TENT2: variants seen among roughly 807,000 people sequenced by gnomAD.
TENT2 encodes poly(A) RNA polymerase GLD2.
Under a neutral mutation model 72.2 loss-of-function variants are expected in TENT2, and 44 were observed. That is an observed-to-expected ratio of 0.61 (90% CI 0.48 to 0.78). The LOEUF (loss-of-function observed/expected upper bound fraction) is 0.78. TENT2 is among the 30% of genes least tolerant of loss of function. The pLI, the probability that TENT2 is intolerant of heterozygous loss-of-function variation, is 0.00. For missense variants in TENT2, 541 were observed against 569.6 expected, an observed-to-expected ratio of 0.95 and a Z score of 0.51; for synonymous variants, 212 against 192.5, an observed-to-expected ratio of 1.10 and a Z score of -0.84.
In TENT2 at chr5:79,612,570, C is replaced by T. The variant is rs1195566565; in HGVS notation, c.-543C>T. On this transcript the variant is annotated 5_prime_UTR_variant, in exon 1 of 15. Coordinates refer to ENST00000453514, the MANE Select transcript of TENT2 (RefSeq NM_001114394.3). ...TATATCCTTGCAGCCCCTACCTTTT[C>T]TTGTGTTGCTCCTCCCCTGGCAGCC... 1 of 153,012 alleles carries T rather than the reference C, an allele frequency of 6.5e-6. No homozygotes were observed. The highest frequency in any genetic ancestry group is 2.4e-5 in the African/African-American group (1 of 41,442). The allele number at this position is 153,012 out of a possible 1,614,324, so 9.5% of individuals were successfully genotyped here. A position where few individuals can be genotyped will look rare whatever the true frequency, so the allele number is the denominator to read the frequency against.
chr5:79,612,709 C>G lies in TENT2; in HGVS notation c.-404C>G, dbSNP rs1352695778. 1 of 152,680 alleles carries G rather than the reference C, an allele frequency of 6.5e-6. No homozygotes were observed. Among genetic ancestry groups the G allele is most frequent in the East Asian group, 1.9e-4 (1 of 5,196 alleles). 9.5% of individuals were successfully genotyped at this position (152,680 alleles called of 1,614,324 possible). A position where few individuals can be genotyped will look rare whatever the true frequency, so the allele number is the denominator to read the frequency against. On this transcript the variant is annotated 5_prime_UTR_variant, in exon 1 of 15. Coordinates refer to ENST00000453514, the MANE Select transcript of TENT2 (RefSeq NM_001114394.3). ...ACGACCAAGTACGCCCAGCTCGGGC[C>G]TTAGAACTTCTGAACGGGCAGTGCG...
intron 10 of TENT2, among the ~76,000 whole-genome samples, chr5:79,652,282 T>A (rs1484706233): frequency 6.6e-6 from 1 of 151,300 alleles, no homozygotes; most frequent in Non-Finnish European, 1.5e-5. Context: ...GAGATCTACA[T>A]AGCCACCAAC....
At chr5:79,615,951 C>T (rs554979269) in intron 1 of TENT2, among the ~76,000 whole-genome samples, 2 of 151,940 alleles carry the variant, frequency 1.3e-5, no homozygotes, top group African/African-American at 2.4e-5. Context: ...TGCAGTGGTG[C>T]GATCTCTGCT....
chr5:79,623,441 T>G lies in TENT2; in HGVS notation c.417T>G (p.Ile139Met). The G allele has an allele frequency of 6.2e-7, 1 of 1,611,582 alleles. No individual in the cohort carries two copies. Among genetic ancestry groups the G allele is most frequent in the Non-Finnish European group, 8.5e-7 (1 of 1,178,776 alleles). Residue 139 changes from isoleucine (I) to methionine (M), a missense_variant, in exon 4 of 15, where the codon ATT becomes ATG. Physicochemically the swap from Ile to Met is conservative, Grantham distance 10. Transcript: ENST00000453514. ...IVRCVPPFRE[I>M]AFLEPREITL... The stretch of plus-strand genomic sequence containing the variant: ...GATGTGTTCCACCTTTTCGAGAAAT[T>G]GCATTTTTAGAACCTAGAGAAATCA...
At chr5:79,633,630 G>A (rs976417892) in intron 4 of TENT2, among the ~76,000 whole-genome samples, 1 of 150,302 alleles carries the variant, frequency 6.7e-6, no homozygotes, top group Admixed American at 6.6e-5. Flanking sequence ...TGGTCAGGCT[G>A]GTCTCGAACT....
At chr5:79,616,650 A>G (rs1262360378) in intron 1 of TENT2, among the ~76,000 whole-genome samples, 1 of 136,698 alleles carries the variant, frequency 7.3e-6, no homozygotes, top group African/African-American at 3.2e-5. Flanking sequence ...ATTCCCTGGA[A>G]TGCTGCTTAG....
At chr5:79,656,877 C>A in intron 10 of TENT2, 81 bp from the exon 11 acceptor site, 1 of 980,370 alleles carries the variant, frequency 1.0e-6, no homozygotes, top group Non-Finnish European at 1.6e-6. Context: ...TGGTCTTATA[C>A]CTGGGATGTA....
At chr5:79,665,388 A>T (rs1806649791) in intron 11 of TENT2, among the ~76,000 whole-genome samples, 1 of 152,162 alleles carries the variant, frequency 6.6e-6, no homozygotes. Flanking sequence ...GAAAGCGCTT[A>T]ATTGTCCACA....
At chr5:79,617,812 A>T (rs1394862945) in intron 1 of TENT2, among the ~76,000 whole-genome samples, 2 of 152,204 alleles carry the variant, frequency 1.3e-5, no homozygotes, top group African/African-American at 4.8e-5. Context: ...GTCCAAAGCC[A>T]TTTTGATTTC....
intron 1 of TENT2, among the ~76,000 whole-genome samples, chr5:79,613,414 GTA>G (rs1756768699): frequency 6.6e-6 from 1 of 152,200 alleles, no homozygotes; most frequent in Admixed American, 6.5e-5. Flanking sequence ...CATGTGCAGT[GTA>G]TGATTTTGTG....
chr5:79,626,591 A>G (rs992717762), intron 4 of TENT2, among the ~76,000 whole-genome samples: 71 of 144,844 alleles, frequency 4.9e-4, no homozygotes, highest in Admixed American at 1.4e-3. Flanking sequence ...ACAGGCGTGA[A>G]CCCCCGCACC....
In TENT2 at chr5:79,685,372, G is replaced by A; in HGVS notation, c.*99G>A. ...CTCCATCATAGTTGCTTTTTTCATAGTTCTTGTTTTCATGTTTTATTTTTA... is the reference window on the plus strand; with the variant it reads ...CTCCATCATAGTTGCTTTTTTCATAATTCTTGTTTTCATGTTTTATTTTTA... On this transcript the variant is annotated 3_prime_UTR_variant, in exon 15 of 15. Transcript: ENST00000453514. 3.8e-6 allele frequency: 3 copies of A among 781,912 alleles called. No individual in the cohort carries two copies. The highest frequency in any genetic ancestry group is 5.8e-6 in the Non-Finnish European group (3 of 512,952). The allele number at this position is 781,912 out of a possible 1,614,324, so 48.4% of individuals were successfully genotyped here. A position where few individuals can be genotyped will look rare whatever the true frequency, so the allele number is the denominator to read the frequency against.
intron 9 of TENT2, 164 bp from the exon 10 acceptor site, chr5:79,648,898 G>T: frequency 4.5e-6 from 4 of 890,820 alleles, no homozygotes; most frequent in Non-Finnish European, 6.7e-6. Context: ...TTTTTAAAAG[G>T]TAACTAAGGT....
At chr5:79,628,822 C>T (rs1188973140) in intron 4 of TENT2, among the ~76,000 whole-genome samples, 1 of 152,164 alleles carries the variant, frequency 6.6e-6, no homozygotes, top group East Asian at 1.9e-4. Context: ...CTACTCAAAA[C>T]CTAAACAATT....
intron 12 of TENT2, among the ~76,000 whole-genome samples, chr5:79,678,956 A>AG (rs1819572503): frequency 6.6e-6 from 1 of 151,884 alleles, no homozygotes; most frequent in Admixed American, 6.6e-5. Context: ...ACCAGGCTGG[A>AG]GTGCAGTGGC....
At chr5:79,635,172 A>G (rs1779078830) in intron 4 of TENT2, among the ~76,000 whole-genome samples, 1 of 152,198 alleles carries the variant, frequency 6.6e-6, no homozygotes, top group Admixed American at 6.5e-5. Flanking sequence ...AACAACAGTG[A>G]GCCATCTCCT....
chr5:79,647,133 A>G (rs1253733504), intron 8 of TENT2, among the ~76,000 whole-genome samples: 2 of 152,182 alleles, frequency 1.3e-5, no homozygotes, highest in African/African-American at 2.4e-5. Context: ...ATAGTGTTCT[A>G]CAGCATCATT....
rs531431545 is a variant in TENT2, at chr5:79,687,117, C to T, written c.*1844C>T. Among the ~76,000 whole-genome samples the T allele has an allele frequency of 2.7e-4, 20 of 74,146 alleles. No homozygotes were observed. Among genetic ancestry groups the T allele is most frequent in the African/African-American group, 1.1e-3 (18 of 17,104 alleles). 48.6% of individuals were successfully genotyped at this position (74,146 alleles called of 152,430 possible). A position where few individuals can be genotyped will look rare whatever the true frequency, so the allele number is the denominator to read the frequency against. On this transcript the variant is annotated 3_prime_UTR_variant, in exon 15 of 15. Transcript: ENST00000453514. Reference sequence around the variant, plus strand: ...TCACTGTTTTCTCAGTTTTCAGTGGCCCCACACTTACTACTGCTTTTCTTT... The same window carrying T: ...TCACTGTTTTCTCAGTTTTCAGTGGTCCCACACTTACTACTGCTTTTCTTT...
At position 79,633,605 on chromosome 5, in the gene TENT2, G is replaced by A. The variant is rs558664868; in HGVS notation, c.466-7246G>A. Among the ~76,000 whole-genome samples the A allele has an allele frequency of 2.6e-5, 4 of 151,262 alleles. No homozygotes were observed. The East Asian group carries it at 7.9e-4, about 30-fold the overall frequency. On this transcript the variant is annotated intron_variant, in intron 4 of 14. Transcript: ENST00000453514. Reference sequence around the variant, plus strand: ...CTAATTTTGTGTTTTTAGTAGAGACGGGGTTTCTCCATGTTGGTCAGGCTG... The same window carrying A: ...CTAATTTTGTGTTTTTAGTAGAGACAGGGTTTCTCCATGTTGGTCAGGCTG...
Sources: gnomAD v4.1 joint callset for allele counts (sites outside exome capture counted in the v4.1 genomes callset) on GRCh38, gnomAD v4.1.1 for gene constraint, MANE v1.5 for transcripts, NCBI Gene and HGNC (gene_info 2026-07-23, HGNC 2026-07-21) for gene names.